ALK: variants seen among roughly 807,000 people sequenced by gnomAD.
The protein encoded by ALK is ALK receptor tyrosine kinase, also known as ALK tyrosine kinase receptor.
ALK carries 74 observed loss-of-function variants against 163.1 expected under a neutral mutation model. The observed-to-expected ratio is 0.45, with a 90% CI of 0.38 to 0.55. The LOEUF (loss-of-function observed/expected upper bound fraction) is 0.55, where lower values mean the gene tolerates loss of function less well. Among genes scored for constraint, ALK ranks in the 20% least tolerant of loss-of-function variants. The pLI is 0.00. For missense variants in ALK, 2,063 were observed against 2,105.3 expected (o/e 0.98, Z 0.39); for synonymous variants, 960 against 843.2 (o/e 1.14, Z -2.40).
chr2:29,823,419 C>G (rs1665106230), intron 1 of ALK, among the ~76,000 whole-genome samples: 1 of 152,094 alleles, frequency 6.6e-6, no homozygotes, highest in Non-Finnish European at 1.5e-5. Context: ...GAGGCTGGAA[C>G]AGTTTGGGGG....
rs1161936241 is a variant in ALK, at chr2:29,830,955, A to AAAGAAGAAGAAG, written c.667+89026_667+89037dup. 6.8e-4 allele frequency among the ~76,000 whole-genome samples: 19 copies of AAAGAAGAAGAAG among 27,744 alleles called. 1 individual carries two copies. Among genetic ancestry groups the AAAGAAGAAGAAG allele is most frequent in the African/African-American group, 1.7e-3 (14 of 8,410 alleles). The allele number at this position is 27,744 out of a possible 152,430, so 18.2% of individuals were successfully genotyped here. A position where few individuals can be genotyped will look rare whatever the true frequency, so the allele number is the denominator to read the frequency against. On this transcript the variant is annotated intron_variant, in intron 1 of 28. Coordinates refer to ENST00000389048, the MANE Select transcript of ALK (RefSeq NM_004304.5). ...GAAGAAGAAGAAGAAAAGAAGAAGA[A>AAAGAAGAAGAAG]AAGAAGAAGAAGAAGAAGAAGAAGA...
At position 29,537,558 on chromosome 2, in the gene ALK, C is replaced by A. The variant is rs182333869; in HGVS notation, c.953-5442G>T. On this transcript the variant is annotated intron_variant, in intron 3 of 28. Coordinates refer to ENST00000389048, the MANE Select transcript of ALK (RefSeq NM_004304.5). ...GCAGAAGTCTACCACTGGGGCAGAGCCCTGGCAAAGAAACTCTACTAGGTC... is the reference window on the plus strand; with the variant it reads ...GCAGAAGTCTACCACTGGGGCAGAGACCTGGCAAAGAAACTCTACTAGGTC... Among the ~76,000 whole-genome samples the A allele has an allele frequency of 3.3e-3, 504 of 152,324 alleles. 7 individuals carry two copies. In the East Asian group the frequency reaches 0.039, roughly 12 times the overall value.
chr2:29,668,309 G>C (rs1677579878), intron 3 of ALK, among the ~76,000 whole-genome samples: 1 of 151,152 alleles, frequency 6.6e-6, no homozygotes, highest in Non-Finnish European at 1.5e-5. Context: ...TTTCAGTTTG[G>C]GGGTTTGATT....
chr2:29,317,559 TTATC>T (rs2148247179), intron 8 of ALK, among the ~76,000 whole-genome samples: 1 of 152,326 alleles, frequency 6.6e-6, no homozygotes, highest in East Asian at 1.9e-4. Flanking sequence ...CCTTTGGACA[TTATC>T]TATTTAATCC....
intron 3 of ALK, among the ~76,000 whole-genome samples, chr2:29,555,746 G>A (rs1427707139): frequency 1.3e-5 from 2 of 152,106 alleles, no homozygotes; most frequent in African/African-American, 4.8e-5. Context: ...AGGTAGTGAT[G>A]GTAAATAAAT....
At chr2:29,853,745 G>C in intron 1 of ALK, among the ~76,000 whole-genome samples, 1 of 152,066 alleles carries the variant, frequency 6.6e-6, no homozygotes, top group East Asian at 1.9e-4. Flanking sequence ...GTCAGCCCTT[G>C]CTGGGCTCCC....
chr2:29,521,877 G>A (rs754075662), intron 4 of ALK, among the ~76,000 whole-genome samples: 2 of 152,184 alleles, frequency 1.3e-5, no homozygotes, highest in Admixed American at 6.5e-5. Context: ...ACAGGAGAGC[G>A]GAGGCCAGCC....
At chr2:29,300,098 A>G (rs574676898) in intron 8 of ALK, among the ~76,000 whole-genome samples, 1 of 152,212 alleles carries the variant, frequency 6.6e-6, no homozygotes, top group Non-Finnish European at 1.5e-5. Flanking sequence ...TGAGTGTTGC[A>G]TATGGGTGGG....
At chr2:29,704,567 G>C (rs571581015) in intron 2 of ALK, among the ~76,000 whole-genome samples, 2 of 152,118 alleles carry the variant, frequency 1.3e-5, no homozygotes, top group South Asian at 2.1e-4. Flanking sequence ...TTTTTTTCTT[G>C]AATAAATTGG....
intron 26 of ALK, among the ~76,000 whole-genome samples, chr2:29,199,938 C>A (rs961263711): frequency 7.9e-5 from 12 of 152,178 alleles, no homozygotes; most frequent in Non-Finnish European, 1.3e-4. Flanking sequence ...TTATTGTCAT[C>A]ATCTGTGTGA....
At chr2:29,612,737 G>GA (rs553843424) in intron 3 of ALK, among the ~76,000 whole-genome samples, 1 of 152,272 alleles carries the variant, frequency 6.6e-6, no homozygotes, top group East Asian at 1.9e-4. Context: ...GTGGGGATGG[G>GA]AAAATGGGAG....
intron 4 of ALK, among the ~76,000 whole-genome samples, chr2:29,510,009 G>T (rs1672466166): frequency 6.6e-6 from 1 of 152,198 alleles, no homozygotes; most frequent in Admixed American, 6.5e-5. Flanking sequence ...TTGCCTATGG[G>T]ATCATGGGTG....
chr2:29,193,784 C>T lies in ALK; in HGVS notation c.4303G>A (p.Glu1435Lys), dbSNP rs769694344. The change falls in exon 29 of 29, where the codon GAG (glutamate) becomes AAG (lysine). Residue 1435 changes from glutamate to lysine, a missense_variant. Glu to Lys is a moderately conservative substitution (Grantham distance 56). This residue lies in a region of ALK where 403 missense variants were observed against 366.2 expected (regional missense o/e 1.10). Transcript: ENST00000389048. ...LVSQQAKREE[E>K]RSPAAPPPLP... ...GGTGGTGGGGCAGCTGGGCTGCGCTCCTCCTCCCGTTTTGCCTGTTGAGAG... is the reference window on the plus strand; with the variant it reads ...GGTGGTGGGGCAGCTGGGCTGCGCTTCTCCTCCCGTTTTGCCTGTTGAGAG... The T allele has an allele frequency of 5.0e-6, 8 of 1,591,042 alleles. No homozygotes were observed. The highest frequency in any genetic ancestry group is 6.8e-6 in the Non-Finnish European group (8 of 1,169,746).
chr2:29,527,763 C>T (rs907167347), intron 4 of ALK, among the ~76,000 whole-genome samples: 1 of 152,158 alleles, frequency 6.6e-6, no homozygotes, highest in Non-Finnish European at 1.5e-5. Context: ...GATCCTCCCG[C>T]CTTGGTCTCC....
chr2:29,203,512 T>TTTTG (rs869138004), intron 26 of ALK, among the ~76,000 whole-genome samples: 16 of 127,708 alleles, frequency 1.3e-4, no homozygotes, highest in African/African-American at 4.5e-4. Flanking sequence ...TTTTTTTTTT[T>TTTTG]GTGAGACAGA....
intron 1 of ALK, among the ~76,000 whole-genome samples, chr2:29,793,310 T>A (rs1208434428): frequency 6.6e-6 from 1 of 152,082 alleles, no homozygotes; most frequent in Non-Finnish European, 1.5e-5. Context: ...TTCCATCACA[T>A]CTCCAATTGC....
At chr2:29,289,397 T>C (rs1030765087) in intron 9 of ALK, among the ~76,000 whole-genome samples, 1 of 152,168 alleles carries the variant, frequency 6.6e-6, no homozygotes, top group Non-Finnish European at 1.5e-5. Flanking sequence ...GTTTAGTCAA[T>C]GTAATTTACC....
In ALK at chr2:29,616,460, T is replaced by A. The variant is rs115754729; in HGVS notation, c.952+78390A>T. On this transcript the variant is annotated intron_variant, in intron 3 of 28. Transcript: ENST00000389048. ...CACAGTGGCAAGAGGAAGGAAGATT[T>A]ACAATTTGAGAATCAAGGCGTCTGA... Among the ~76,000 whole-genome samples the A allele has an allele frequency of 5.2e-3, 786 of 152,282 alleles. 8 individuals are homozygous for A. The highest frequency in any genetic ancestry group is 0.017 in the African/African-American group (692 of 41,534).
intron 4 of ALK, among the ~76,000 whole-genome samples, chr2:29,413,159 C>A (rs1669772590): frequency 6.6e-6 from 1 of 151,924 alleles, no homozygotes; most frequent in South Asian, 2.1e-4. Flanking sequence ...CCATGATGAA[C>A]AAAACAACAT....
Sources: allele counts gnomAD v4.1 joint callset (sites outside exome capture counted in the v4.1 genomes callset), GRCh38; gene constraint gnomAD v4.1.1; regional missense constraint gnomAD v4.1.1; transcripts MANE v1.5; gene names NCBI Gene and HGNC (gene_info 2026-07-23, HGNC 2026-07-21).